MTUS2: variants seen among roughly 807,000 people sequenced by gnomAD.
MTUS2 encodes the protein microtubule associated scaffold protein 2.
MTUS2 carries 40 observed loss-of-function variants against 114.1 expected under a neutral mutation model. The ratio of observed to expected loss-of-function variants is 0.35; its 90% CI spans 0.27 to 0.46. The LOEUF is 0.46. Ranked by LOEUF, MTUS2 falls within the 20% of genes least tolerant of loss-of-function variation. MTUS2 has a pLI of 1.00. For synonymous variants in MTUS2, 688 were observed against 672.0 expected, an observed-to-expected ratio of 1.02 and a Z score of -0.37; for missense variants, 1,679 against 1,705.4, an observed-to-expected ratio of 0.98 and a Z score of 0.27.
intron 4 of MTUS2, among the ~76,000 whole-genome samples, chr13:29,060,846 A>ATGTGATCTCGG (rs1565986089): frequency 5.5e-5 from 8 of 145,794 alleles, no homozygotes; most frequent in Non-Finnish European, 1.0e-4. Flanking sequence ...TGTTGCCCAG[A>ATGTGATCTCGG]CTGGAGTGCA....
chr13:29,412,142 C>T (rs1264107312), intron 8 of MTUS2, among the ~76,000 whole-genome samples: 1 of 152,164 alleles, frequency 6.6e-6, no homozygotes, highest in African/African-American at 2.4e-5. Flanking sequence ...CAGTAGGAAT[C>T]CTTGCTTTGT....
intron 4 of MTUS2, among the ~76,000 whole-genome samples, chr13:29,068,647 C>T (rs1888771879): frequency 6.6e-6 from 1 of 151,902 alleles, no homozygotes; most frequent in Non-Finnish European, 1.5e-5. Context: ...CAGTTGAAGT[C>T]CAGGAAGTTT....
At chr13:29,116,246 A>G (rs1392675436) in intron 5 of MTUS2, among the ~76,000 whole-genome samples, 1 of 152,212 alleles carries the variant, frequency 6.6e-6, no homozygotes, top group Non-Finnish European at 1.5e-5. Context: ...CATAAGATAG[A>G]ATTAGATGTA....
intron 2 of MTUS2, among the ~76,000 whole-genome samples, chr13:28,960,170 C>T (rs1266085560): frequency 2.6e-5 from 4 of 152,202 alleles, no homozygotes; most frequent in South Asian, 2.1e-4. Context: ...CAAATCAAAA[C>T]CACAATTAAA....
Position 28,901,488 on chromosome 13 carries a change from A to C in MTUS2, c.-243+61638A>C, listed in dbSNP as rs867325485. On this transcript the variant is annotated intron_variant, in intron 2 of 15. Coordinates refer to ENST00000612955, the MANE Select transcript of MTUS2 (RefSeq NM_001033602.4). ...CTATTATTTTTTAAATAAAATTTTC[A>C]GGTCTCACATGTAAGTAGTCCATGA... Among the ~76,000 whole-genome samples, 38 of 152,304 alleles carry C rather than the reference A, an allele frequency of 2.5e-4. 1 individual carries two copies. The Middle Eastern group carries it at 0.017, about 69-fold the overall frequency.
intron 6 of MTUS2, among the ~76,000 whole-genome samples, chr13:29,291,484 C>T (rs1428224482): frequency 6.6e-6 from 1 of 152,220 alleles, no homozygotes; most frequent in Non-Finnish European, 1.5e-5. Flanking sequence ...TTTGTTTACA[C>T]AGCAGAGAAC....
intron 2 of MTUS2, among the ~76,000 whole-genome samples, chr13:28,977,404 G>A (rs1174995784): frequency 6.6e-6 from 1 of 152,066 alleles, no homozygotes; most frequent in African/African-American, 2.4e-5. Flanking sequence ...CTGCTAACAG[G>A]TTCAAATGAC....
intron 9 of MTUS2, among the ~76,000 whole-genome samples, chr13:29,450,784 G>C (rs1022049804): frequency 1.3e-5 from 2 of 152,116 alleles, no homozygotes; most frequent in African/African-American, 2.4e-5. Context: ...AAGAAAATTG[G>C]AATGTCTATA....
intron 8 of MTUS2, among the ~76,000 whole-genome samples, chr13:29,406,287 CT>C (rs1418431233): frequency 6.6e-6 from 1 of 152,148 alleles, no homozygotes; most frequent in Non-Finnish European, 1.5e-5. Flanking sequence ...CTGGGAGAGA[CT>C]TAGCCAGTAG....
intron 9 of MTUS2, among the ~76,000 whole-genome samples, chr13:29,447,238 T>C (rs1878348283): frequency 6.6e-6 from 1 of 152,076 alleles, no homozygotes; most frequent in African/African-American, 2.4e-5. Context: ...CAGATCAAGT[T>C]AGATTTTAAA....
At chr13:29,037,285 G>T (rs917063457) in intron 4 of MTUS2, among the ~76,000 whole-genome samples, 1 of 152,162 alleles carries the variant, frequency 6.6e-6, no homozygotes. Context: ...AGTTTGGCTG[G>T]ATATGAAATT....
At chr13:29,343,151 T>C (rs1901485225) in intron 7 of MTUS2, among the ~76,000 whole-genome samples, 1 of 151,756 alleles carries the variant, frequency 6.6e-6, no homozygotes, top group Non-Finnish European at 1.5e-5. Flanking sequence ...CTGGTTTTAG[T>C]ATTAGGGTGA....
chr13:28,868,075 A>G (rs2138090639), intron 2 of MTUS2, among the ~76,000 whole-genome samples: 1 of 152,342 alleles, frequency 6.6e-6, no homozygotes, highest in East Asian at 1.9e-4. Context: ...ATCTGCTTAT[A>G]ACAAAGATGA....
chr13:28,982,411 A>G (rs1884400378), intron 2 of MTUS2, among the ~76,000 whole-genome samples: 1 of 152,162 alleles, frequency 6.6e-6, no homozygotes, highest in Non-Finnish European at 1.5e-5. Flanking sequence ...GTTGTGCACC[A>G]TTGGTAGGAA....
At chr13:29,063,901 A>G (rs1205416546) in intron 4 of MTUS2, among the ~76,000 whole-genome samples, 3 of 152,198 alleles carry the variant, frequency 2.0e-5, no homozygotes, top group African/African-American at 7.2e-5. Flanking sequence ...TAACAAATTT[A>G]AGCGGGTGCA....
chr13:28,955,216 C>T (rs1409730035), intron 2 of MTUS2, among the ~76,000 whole-genome samples: 4 of 152,190 alleles, frequency 2.6e-5, no homozygotes, highest in South Asian at 4.1e-4. Flanking sequence ...ACCAGCCTGA[C>T]ATTGCACGAT....
At chr13:28,927,505 G>A (rs1881387314) in intron 2 of MTUS2, among the ~76,000 whole-genome samples, 2 of 152,286 alleles carry the variant, frequency 1.3e-5, no homozygotes, top group Middle Eastern at 6.8e-3. Context: ...GTTGGAGGCT[G>A]CAGTGAGCTG....
intron 8 of MTUS2, among the ~76,000 whole-genome samples, chr13:29,426,073 G>T (rs988299849): frequency 1.3e-5 from 2 of 152,178 alleles, no homozygotes; most frequent in Non-Finnish European, 2.9e-5. Context: ...AGTTAGCTTT[G>T]CAGGCCTTCC....
intron 5 of MTUS2, among the ~76,000 whole-genome samples, chr13:29,243,177 G>T (rs367915065): frequency 2.6e-5 from 4 of 152,164 alleles, no homozygotes; most frequent in African/African-American, 9.7e-5. Context: ...CATATAAGAG[G>T]AGTAAAGTCA....
Sources: allele counts gnomAD v4.1 joint callset (sites outside exome capture counted in the v4.1 genomes callset), GRCh38; gene constraint gnomAD v4.1.1; transcripts MANE v1.5; gene names NCBI Gene and HGNC (gene_info 2026-07-23, HGNC 2026-07-21).